Variants in CD2AP observed in about 807,000 individuals in gnomAD.
CD2AP encodes CD2 associated protein, also known as CD2-associated protein.
In CD2AP, 46 loss-of-function variants were observed where a neutral mutation model predicts 85.1. The observed-to-expected ratio is 0.54, with a 90% CI of 0.43 to 0.69. CD2AP has a LOEUF of 0.69. Among genes scored for constraint, CD2AP ranks in the 30% least tolerant of loss-of-function variants. The probability of loss-of-function intolerance (pLI) is 0.00; values close to 1 mark genes in which losing one functional copy is unlikely to be tolerated. For synonymous variants in CD2AP, 255 were observed against 252.9 expected (o/e 1.01, Z -0.08); for missense variants, 769 against 729.5 (o/e 1.05, Z -0.62).
chr6:47,511,938 C>T (rs1226894618), intron 2 of CD2AP, among the ~76,000 whole-genome samples: 1 of 151,978 alleles, frequency 6.6e-6, no homozygotes, highest in Non-Finnish European at 1.5e-5. Flanking sequence ...GTGGGCGGAT[C>T]ACGAGGTCAG....
intron 1 of CD2AP, among the ~76,000 whole-genome samples, chr6:47,494,685 T>A (rs1765814190): frequency 6.6e-6 from 1 of 152,178 alleles, no homozygotes; most frequent in Non-Finnish European, 1.5e-5. Flanking sequence ...CACAATAGTG[T>A]GGGGACTCCC....
intron 2 of CD2AP, among the ~76,000 whole-genome samples, chr6:47,515,549 C>T (rs921360171): frequency 1.3e-5 from 2 of 152,198 alleles, no homozygotes; most frequent in African/African-American, 4.8e-5. Context: ...GGGCTAAAAA[C>T]TTGATCATAG....
chr6:47,537,359 C>T (rs1767079416), intron 3 of CD2AP, among the ~76,000 whole-genome samples: 1 of 152,068 alleles, frequency 6.6e-6, no homozygotes, highest in Admixed American at 6.5e-5. Context: ...AGTATTCTGA[C>T]TGGTAAGGAG....
At chr6:47,580,974 A>C in intron 10 of CD2AP, 74 bp downstream of exon 10, 1 of 1,006,492 alleles carries the variant, frequency 9.9e-7, no homozygotes. Flanking sequence ...ATTGGATCTA[A>C]TGCAAACTAT....
At chr6:47,559,448 G>A (rs1229915518) in intron 5 of CD2AP, among the ~76,000 whole-genome samples, 2 of 151,656 alleles carry the variant, frequency 1.3e-5, no homozygotes, top group African/African-American at 2.4e-5. Context: ...TTTTTTAAGA[G>A]ATGGGGCCTC....
intron 16 of CD2AP, among the ~76,000 whole-genome samples, chr6:47,612,074 TTA>T (rs1769459059): frequency 6.6e-6 from 1 of 152,166 alleles, no homozygotes; most frequent in Admixed American, 6.5e-5. Flanking sequence ...AAAGTCTAGG[TTA>T]TGTTACCAGA....
chr6:47,552,744 G>C (rs1582550170), intron 4 of CD2AP, among the ~76,000 whole-genome samples: 1 of 152,188 alleles, frequency 6.6e-6, no homozygotes, highest in Non-Finnish European at 1.5e-5. Flanking sequence ...ATTTATTCTA[G>C]TTTGGTCTAC....
At chr6:47,580,840 T>A (rs1768458041) in intron 9 of CD2AP, 24 bp from the exon 10 acceptor site, 1 of 1,585,206 alleles carries the variant, frequency 6.3e-7, no homozygotes, top group Admixed American at 1.7e-5. Flanking sequence ...TGGTCAGCCG[T>A]TTCCACCATT....
chr6:47,524,706 C>G lies in CD2AP; in HGVS notation c.166-8896C>G, dbSNP rs368396583. The stretch of plus-strand genomic sequence containing the variant: ...TGCCATTGACAGTGAATTTATATAA[C>G]TTCCCCCACCCCATTTCTACTTTTG... On this transcript the variant is annotated intron_variant, in intron 2 of 17. Transcript: ENST00000359314. Among the ~76,000 whole-genome samples the G allele has an allele frequency of 2.6e-5, 4 of 152,134 alleles. No homozygotes were observed. In the South Asian group the frequency reaches 8.3e-4, roughly 31 times the overall value.
chr6:47,498,514 G>T (rs759613060), intron 1 of CD2AP, among the ~76,000 whole-genome samples: 4 of 151,922 alleles, frequency 2.6e-5, no homozygotes, highest in African/African-American at 9.7e-5. Context: ...TTAATTCCCC[G>T]TTTTTTTCTC....
chr6:47,601,531 T>C (rs891497399), intron 13 of CD2AP, among the ~76,000 whole-genome samples: 1 of 151,986 alleles, frequency 6.6e-6, no homozygotes, highest in Non-Finnish European at 1.5e-5. Flanking sequence ...TCAGTCGTGT[T>C]TTAGGCACAG....
intron 1 of CD2AP, among the ~76,000 whole-genome samples, chr6:47,490,015 G>A (rs1030133883): frequency 2.3e-4 from 32 of 138,144 alleles, no homozygotes; most frequent in African/African-American, 8.5e-4. Flanking sequence ...TTGCTCTGTC[G>A]CCTAGGCTGG....
intron 5 of CD2AP, among the ~76,000 whole-genome samples, chr6:47,568,092 G>A (rs1412646944): frequency 6.6e-6 from 1 of 152,118 alleles, no homozygotes; most frequent in Non-Finnish European, 1.5e-5. Context: ...GTTATTTGGG[G>A]GATGACCGAA....
rs528471222 is a variant in CD2AP, at chr6:47,599,609, GAAGAT to G, written c.1417+170_1417+174del. Among the ~76,000 whole-genome samples the G allele has an allele frequency of 4.3e-4, 66 of 152,140 alleles. No individual in the cohort carries two copies. The South Asian group carries it at 6.6e-3, about 15-fold the overall frequency. On this transcript the variant is annotated intron_variant, in intron 13 of 17. Transcript: ENST00000359314. ...AGCAGCCAAAGTAGAAATAATAAAA[GAAGAT>G]AAGTAAAATTTTTATGGTCCTTACT...
intron 3 of CD2AP, among the ~76,000 whole-genome samples, chr6:47,536,268 C>A (rs1767041951): frequency 2.0e-5 from 3 of 150,772 alleles, no homozygotes; most frequent in African/African-American, 7.3e-5. Flanking sequence ...TCTCTAATTC[C>A]CAAAATAGAT....
chr6:47,547,486 C>CTA (rs35297636), intron 4 of CD2AP, among the ~76,000 whole-genome samples: 40,694 of 151,160 alleles, frequency 0.27, 5,594 homozygotes, highest in African/African-American at 0.33. Flanking sequence ...TATCACAATT[C>CTA]TATATATATA....
intron 2 of CD2AP, among the ~76,000 whole-genome samples, chr6:47,522,383 G>A (rs1348823744): frequency 2.6e-5 from 4 of 152,196 alleles, no homozygotes; most frequent in Admixed American, 2.0e-4. Context: ...TGTGAGCTTT[G>A]TAGTGATCCT....
intron 5 of CD2AP, among the ~76,000 whole-genome samples, chr6:47,565,352 A>G (rs1262209383): frequency 2.6e-5 from 4 of 152,028 alleles, no homozygotes; most frequent in Non-Finnish European, 4.4e-5. Flanking sequence ...AATATACTTA[A>G]CCCTTCTTAT....
chr6:47,574,542 G>A (rs1768249304), intron 6 of CD2AP, among the ~76,000 whole-genome samples: 1 of 148,866 alleles, frequency 6.7e-6, no homozygotes, highest in Non-Finnish European at 1.5e-5. Context: ...AGGGTTTTTT[G>A]CCTTTTAAAG....
Sources: gnomAD v4.1 joint callset for allele counts (sites outside exome capture counted in the v4.1 genomes callset) on GRCh38, gnomAD v4.1.1 for gene constraint, MANE v1.5 for transcripts, NCBI Gene and HGNC (gene_info 2026-07-23, HGNC 2026-07-21) for gene names.